Variants in MAGI2 observed in about 807,000 individuals in gnomAD.
The protein encoded by MAGI2 is membrane-associated guanylate kinase, WW and PDZ domain-containing protein 2.
In MAGI2, 35 loss-of-function variants were observed where a neutral mutation model predicts 133.3. The observed-to-expected ratio is 0.26, with a 90% CI of 0.20 to 0.35. MAGI2 has a LOEUF of 0.35. Among genes scored for constraint, MAGI2 ranks in the 10% least tolerant of loss-of-function variants. The probability of loss-of-function intolerance (pLI) is 1.00; values close to 1 mark genes in which losing one functional copy is unlikely to be tolerated. For missense variants in MAGI2, 1,636 were observed against 1,863.4 expected (o/e 0.88, Z 2.25); for synonymous variants, 729 against 710.6 (o/e 1.03, Z -0.41).
At chr7:78,517,631 G>A (rs1563112056) in intron 4 of MAGI2, among the ~76,000 whole-genome samples, 1 of 151,996 alleles carries the variant, frequency 6.6e-6, no homozygotes. Flanking sequence ...TTATTTTCAT[G>A]TTTCTCATTT....
intron 1 of MAGI2, among the ~76,000 whole-genome samples, chr7:79,439,091 T>C (rs539258698): frequency 7.2e-5 from 11 of 152,160 alleles, no homozygotes; most frequent in African/African-American, 2.4e-4. Context: ...TCTATATTTA[T>C]TTTCCTACAC....
chr7:79,054,475 G>C (rs1812960991), intron 1 of MAGI2, among the ~76,000 whole-genome samples: 2 of 152,070 alleles, frequency 1.3e-5, no homozygotes, highest in African/African-American at 4.8e-5. Flanking sequence ...TGTTACCTGA[G>C]TTCAAAACAA....
At chr7:78,079,468 C>A (rs1815721897) in intron 20 of MAGI2, among the ~76,000 whole-genome samples, 1 of 152,196 alleles carries the variant, frequency 6.6e-6, no homozygotes, top group Admixed American at 6.5e-5. Flanking sequence ...AAGGGCTTTT[C>A]ATTGATTCTA....
intron 1 of MAGI2, among the ~76,000 whole-genome samples, chr7:79,241,303 A>G (rs1585300815): frequency 6.6e-6 from 1 of 152,210 alleles, no homozygotes; most frequent in Admixed American, 6.5e-5. Context: ...TGCTAACTAA[A>G]AGTCATATTA....
rs182116481 is a variant in MAGI2, at chr7:78,914,562, C to T, written c.418+92528G>A. Among the ~76,000 whole-genome samples, 41 of 152,178 alleles carry T rather than the reference C, an allele frequency of 2.7e-4. No homozygotes were observed. The East Asian group carries it at 7.5e-3, about 28-fold the overall frequency. ...TTTTCATTTCACATATATTGCATTT[C>T]ACAGAAGGAACACACGATCAATCAA... On this transcript the variant is annotated intron_variant, in intron 2 of 21. Transcript: ENST00000354212.
chr7:78,259,393 G>C lies in MAGI2; in HGVS notation c.1409-2812C>G, dbSNP rs140141405. 5.7e-3 allele frequency among the ~76,000 whole-genome samples: 871 copies of C among 152,220 alleles called. 21 individuals carry two copies. The highest frequency in any genetic ancestry group is 0.054 in the East Asian group (278 of 5,174). ...ACTGGCTTCAATCCTCTGTGACTCAGATTTTTTAGAAGTAATGATGAACAA... is the reference window on the plus strand; with the variant it reads ...ACTGGCTTCAATCCTCTGTGACTCACATTTTTTAGAAGTAATGATGAACAA... On this transcript the variant is annotated intron_variant, in intron 9 of 21. Transcript: ENST00000354212.
intron 6 of MAGI2, among the ~76,000 whole-genome samples, chr7:78,488,726 T>C (rs1379377429): frequency 6.6e-6 from 1 of 152,088 alleles, no homozygotes; most frequent in Non-Finnish European, 1.5e-5. Flanking sequence ...TATATGTTCA[T>C]ATAAATTACA....
intron 2 of MAGI2, among the ~76,000 whole-genome samples, chr7:78,853,946 T>G (rs879889914): frequency 2.5e-5 from 3 of 118,786 alleles, no homozygotes; most frequent in Non-Finnish European, 3.7e-5. Context: ...ACTGCTGTTA[T>G]GTTGATATGT....
intron 1 of MAGI2, among the ~76,000 whole-genome samples, chr7:79,302,267 C>T (rs1585490854): frequency 6.6e-6 from 1 of 152,138 alleles, no homozygotes; most frequent in African/African-American, 2.4e-5. Flanking sequence ...AGAATATCAT[C>T]TTCTCAGGGC....
intron 2 of MAGI2, among the ~76,000 whole-genome samples, chr7:78,990,112 A>G (rs1295609181): frequency 6.6e-6 from 1 of 152,048 alleles, no homozygotes; most frequent in African/African-American, 2.4e-5. Context: ...CATTGCTCTG[A>G]GCATCTTAAT....
chr7:78,721,802 A>G (rs1297125264), intron 2 of MAGI2, among the ~76,000 whole-genome samples: 1 of 151,996 alleles, frequency 6.6e-6, no homozygotes. Flanking sequence ...TTATAAACCC[A>G]AACATAAACA....
chr7:78,315,083 C>T (rs1432786596), intron 9 of MAGI2, among the ~76,000 whole-genome samples: 2 of 152,150 alleles, frequency 1.3e-5, no homozygotes, highest in Admixed American at 1.3e-4. Context: ...AGATCTGAGA[C>T]CTACTGTCAC....
At chr7:78,270,604 A>G (rs1325156096) in intron 9 of MAGI2, among the ~76,000 whole-genome samples, 1 of 152,088 alleles carries the variant, frequency 6.6e-6, no homozygotes, top group African/African-American at 2.4e-5. Context: ...ATTTTTGCAC[A>G]TTGATTTTGT....
At chr7:78,388,474 A>C (rs1795611724) in intron 6 of MAGI2, among the ~76,000 whole-genome samples, 1 of 152,232 alleles carries the variant, frequency 6.6e-6, no homozygotes. Flanking sequence ...ACTACCTGAA[A>C]TATGGAAAAG....
intron 1 of MAGI2, among the ~76,000 whole-genome samples, chr7:79,025,907 A>G (rs1809836909): frequency 6.6e-6 from 1 of 152,228 alleles, no homozygotes; most frequent in Non-Finnish European, 1.5e-5. Context: ...AAGTAGTATC[A>G]AGCAGGAAGT....
chr7:79,299,095 T>C (rs1015357306), intron 1 of MAGI2, among the ~76,000 whole-genome samples: 1 of 152,128 alleles, frequency 6.6e-6, no homozygotes, highest in African/African-American at 2.4e-5. Context: ...GTAATTTCTC[T>C]GCTATAAGTA....
intron 1 of MAGI2, among the ~76,000 whole-genome samples, chr7:79,319,819 A>G (rs944624874): frequency 2.6e-5 from 4 of 152,246 alleles, no homozygotes; most frequent in South Asian, 4.1e-4. Context: ...CCTGAAACCT[A>G]GCGGTGCCAG....
intron 1 of MAGI2, among the ~76,000 whole-genome samples, chr7:79,079,083 T>C (rs1038474055): frequency 2.0e-5 from 3 of 152,206 alleles, no homozygotes; most frequent in Non-Finnish European, 2.9e-5. Context: ...TTTCTCCCAA[T>C]CTCAATTCCC....
intron 10 of MAGI2, among the ~76,000 whole-genome samples, chr7:78,222,225 G>A (rs1788905934): frequency 6.6e-6 from 1 of 152,088 alleles, no homozygotes; most frequent in African/African-American, 2.4e-5. Flanking sequence ...AGTAAACCAC[G>A]TGTTTTATGG....
Sources: allele counts gnomAD v4.1 joint callset (sites outside exome capture counted in the v4.1 genomes callset), GRCh38; gene constraint gnomAD v4.1.1; transcripts MANE v1.5; gene names NCBI Gene and HGNC (gene_info 2026-07-23, HGNC 2026-07-21).